TTC29: variants seen among roughly 807,000 people sequenced by gnomAD.
TTC29 encodes the protein tetratricopeptide repeat protein 29.
TTC29 carries 49 observed loss-of-function variants against 58.1 expected under a neutral mutation model. That is an observed-to-expected ratio of 0.84 (90% CI 0.67 to 1.07). TTC29 has a LOEUF of 1.07. Ranked by LOEUF, TTC29 falls within the 50% of genes least tolerant of loss-of-function variation. The probability of loss-of-function intolerance (pLI) is 0.00; values close to 1 mark genes in which losing one functional copy is unlikely to be tolerated. For synonymous variants in TTC29, 209 were observed against 196.8 expected, an observed-to-expected ratio of 1.06 and a Z score of -0.52; for missense variants, 582 against 555.6, an observed-to-expected ratio of 1.05 and a Z score of -0.48.
chr4:146,914,559 C>T (rs1304969977), intron 4 of TTC29, among the ~76,000 whole-genome samples: 5 of 152,024 alleles, frequency 3.3e-5, no homozygotes, highest in Non-Finnish European at 7.4e-5. Context: ...GAGAGTTCAT[C>T]TGACAGGAAA....
intron 9 of TTC29, among the ~76,000 whole-genome samples, chr4:146,822,433 G>A (rs1751913656): frequency 6.6e-6 from 1 of 152,192 alleles, no homozygotes; most frequent in Non-Finnish European, 1.5e-5. Flanking sequence ...TTCAATGGCT[G>A]CATAGTATTC....
rs61184684 is a variant in TTC29 at position 146,943,169 on chromosome 4, C to CT, written c.-7+1861dup. Among the ~76,000 whole-genome samples the CT allele has an allele frequency of 7.3e-3, 435 of 59,470 alleles. 76 individuals are homozygous for CT. The highest frequency in any genetic ancestry group is 0.011 in the Non-Finnish European group (307 of 27,212). 39.0% of individuals were successfully genotyped at this position (59,470 alleles called of 152,430 possible). ...TTCTTTGTCATACAGATCAACTGTGCTTTTTTTTTTTTTTTTTTTTTTTTT... is the reference window on the plus strand; with the variant it reads ...TTCTTTGTCATACAGATCAACTGTGCTTTTTTTTTTTTTTTTTTTTTTTTTT... On this transcript the variant is annotated intron_variant, in intron 2 of 12. Coordinates refer to ENST00000325106, the MANE Select transcript of TTC29 (RefSeq NM_031956.4).
At chr4:146,773,847 A>ATAT (rs1747901876) in intron 11 of TTC29, among the ~76,000 whole-genome samples, 6 of 151,866 alleles carry the variant, frequency 4.0e-5, no homozygotes, top group Non-Finnish European at 8.8e-5. Context: ...TATCTGGTAG[A>ATAT]ATTCAGCTGT....
At chr4:146,818,850 C>T (rs1441632342) in intron 10 of TTC29, among the ~76,000 whole-genome samples, 4 of 151,870 alleles carry the variant, frequency 2.6e-5, no homozygotes, top group Non-Finnish European at 2.9e-5. Flanking sequence ...AACCAAACAC[C>T]GCATGTTCTC....
intron 11 of TTC29, among the ~76,000 whole-genome samples, chr4:146,720,430 C>T (rs1345555170): frequency 6.6e-6 from 1 of 152,068 alleles, no homozygotes; most frequent in Non-Finnish European, 1.5e-5. Context: ...TGTCTTTGGT[C>T]CAGCCACTGT....
chr4:146,756,847 A>C (rs1173603188), intron 11 of TTC29, among the ~76,000 whole-genome samples: 3 of 151,568 alleles, frequency 2.0e-5, no homozygotes, highest in Non-Finnish European at 4.4e-5. Flanking sequence ...AGCATTTCAC[A>C]TTTCTAAAAG....
At chr4:146,782,023 A>C (rs542481682) in intron 11 of TTC29, among the ~76,000 whole-genome samples, 1 of 151,772 alleles carries the variant, frequency 6.6e-6, no homozygotes, top group East Asian at 1.9e-4. Flanking sequence ...AAATAAATGA[A>C]AAAAAAAGAA....
chr4:146,854,787 T>A (rs1729733535), intron 8 of TTC29, among the ~76,000 whole-genome samples: 1 of 152,216 alleles, frequency 6.6e-6, no homozygotes, highest in African/African-American at 2.4e-5. Context: ...CTATTTGGCT[T>A]TCTAACTTTC....
intron 11 of TTC29, among the ~76,000 whole-genome samples, chr4:146,742,438 A>C (rs888145135): frequency 6.6e-6 from 1 of 152,234 alleles, no homozygotes; most frequent in African/African-American, 2.4e-5. Context: ...TGCATCTTCT[A>C]GAGCTGAGAT....
At chr4:146,943,007 C>T (rs1384644405) in intron 2 of TTC29, 1 of 170,416 alleles carries the variant, frequency 5.9e-6, no homozygotes, top group African/African-American at 2.4e-5. Flanking sequence ...TATAACTCCC[C>T]ACCAAAGTTG....
At chr4:146,771,818 T>A (rs1434245789) in intron 11 of TTC29, among the ~76,000 whole-genome samples, 1 of 152,132 alleles carries the variant, frequency 6.6e-6, no homozygotes, top group Non-Finnish European at 1.5e-5. Context: ...TGTTTTAAAT[T>A]CTTTGCCCTG....
intron 11 of TTC29, among the ~76,000 whole-genome samples, chr4:146,731,313 A>G (rs1744317191): frequency 6.6e-6 from 1 of 152,080 alleles, no homozygotes; most frequent in Non-Finnish European, 1.5e-5. Flanking sequence ...ACAAAATATG[A>G]AATTGTTGGC....
chr4:146,833,694 C>T (rs1728317664), intron 9 of TTC29, 112 bp downstream of exon 9: 1 of 808,458 alleles, frequency 1.2e-6, no homozygotes, highest in African/African-American at 1.7e-5. Context: ...AAGAAGGGCA[C>T]TGCTTAAAAT....
intron 11 of TTC29, among the ~76,000 whole-genome samples, chr4:146,746,251 G>A (rs1303578409): frequency 1.3e-5 from 2 of 152,186 alleles, no homozygotes; most frequent in African/African-American, 4.8e-5. Flanking sequence ...TACATGAAGT[G>A]AGCAACAAGT....
intron 9 of TTC29, chr4:146,831,879 G>C: frequency 4.6e-6 from 1 of 215,912 alleles, no homozygotes; most frequent in Non-Finnish European, 9.9e-6. Flanking sequence ...TAAGCGCTTA[G>C]TAGATGTTTA....
intron 11 of TTC29, among the ~76,000 whole-genome samples, chr4:146,754,136 A>AT (rs1437044633): frequency 1.3e-5 from 2 of 151,656 alleles, no homozygotes; most frequent in South Asian, 2.1e-4. Context: ...CATTTTATAT[A>AT]TTTAAAAAAA....
At chr4:146,879,577 G>T (rs1427460132) in intron 6 of TTC29, among the ~76,000 whole-genome samples, 1 of 152,068 alleles carries the variant, frequency 6.6e-6, no homozygotes, top group Non-Finnish European at 1.5e-5. Context: ...TTCTAACATG[G>T]CTTATAGCAT....
rs36039172 is a variant in TTC29, at chr4:146,871,380, A to G, written c.799+3336T>C. On this transcript the variant is annotated intron_variant, in intron 7 of 12. Coordinates refer to ENST00000325106, the MANE Select transcript of TTC29 (RefSeq NM_031956.4). ...TACAAAAAAACCCTCAGTAAATATC[A>G]TACTTCTGTTTAAAACTGTTGCACT... Among the ~76,000 whole-genome samples the G allele has an allele frequency of 8.1e-3, 1,235 of 152,016 alleles. 7 individuals carry two copies. The highest frequency in any genetic ancestry group is 0.013 in the Non-Finnish European group (901 of 67,846).
chr4:146,779,838 T>C (rs1748453226), intron 11 of TTC29, among the ~76,000 whole-genome samples: 1 of 152,092 alleles, frequency 6.6e-6, no homozygotes, highest in African/African-American at 2.4e-5. Context: ...AATTTATAGG[T>C]TTTCATATAG....
Sources: allele counts gnomAD v4.1 joint callset (sites outside exome capture counted in the v4.1 genomes callset), GRCh38; gene constraint gnomAD v4.1.1; transcripts MANE v1.5; gene names NCBI Gene and HGNC (gene_info 2026-07-23, HGNC 2026-07-21).